Variants in WDR59 observed in about 807,000 individuals in gnomAD.
WDR59 encodes the protein WD repeat domain 59, also known as GATOR2 complex protein WDR59.
WDR59 carries 100 observed loss-of-function variants against 131.2 expected under a neutral mutation model. The observed-to-expected ratio is 0.76, with a 90% CI of 0.65 to 0.90. The LOEUF is 0.90. Among genes scored for constraint, WDR59 ranks in the 40% least tolerant of loss-of-function variants. The pLI is 0.00. For missense variants in WDR59, 1,203 were observed against 1,262.2 expected (o/e 0.95, Z 0.71); for synonymous variants, 601 against 466.2 (o/e 1.29, Z -3.72).
intron 6 of WDR59, 98 bp downstream of exon 6, chr16:74,948,421 G>A: frequency 1.8e-6 from 2 of 1,123,090 alleles, no homozygotes; most frequent in Admixed American, 1.8e-5. Flanking sequence ...GTTAGAGAGG[G>A]AGATGGAAAG....
chr16:74,976,518 C>T (rs1367595529), intron 1 of WDR59, among the ~76,000 whole-genome samples: 1 of 151,768 alleles, frequency 6.6e-6, no homozygotes, highest in East Asian at 1.9e-4. Context: ...TCTTGGCTCC[C>T]TGAACCTCCA....
intron 6 of WDR59, among the ~76,000 whole-genome samples, chr16:74,945,142 C>T (rs994243171): frequency 2.4e-4 from 37 of 151,592 alleles, no homozygotes; most frequent in African/African-American, 8.2e-4. Context: ...AAAGAACCAC[C>T]GTCCTTTTTA....
chr16:74,892,018 A>G (rs1965068870), intron 20 of WDR59, among the ~76,000 whole-genome samples: 1 of 152,248 alleles, frequency 6.6e-6, no homozygotes, highest in Non-Finnish European at 1.5e-5. Context: ...CCGTTTAAAA[A>G]AATACAGAGA....
At position 74,871,793 on chromosome 16, in the gene WDR59, T is replaced by C. The variant is rs910915758; in HGVS notation, c.*2416A>G. The C allele has an allele frequency of 2.0e-5, 3 of 152,266 alleles. No homozygotes were observed. The highest frequency in any genetic ancestry group is 4.4e-5 in the Non-Finnish European group (3 of 68,068). 9.4% of individuals were successfully genotyped at this position (152,266 alleles called of 1,614,324 possible). A position where few individuals can be genotyped will look rare whatever the true frequency, so the allele number is the denominator to read the frequency against. On this transcript the variant is annotated 3_prime_UTR_variant, in exon 26 of 26. Coordinates refer to ENST00000262144, the MANE Select transcript of WDR59 (RefSeq NM_030581.4). ...TCACCATTACAACAGAATTTGTGTA[T>C]GCAAATTCCCGGCTGGGCCTTCTCC...
chr16:74,892,641 C>G (rs865965663), intron 19 of WDR59, 76 bp from the exon 20 acceptor site: 1 of 1,204,718 alleles, frequency 8.3e-7, no homozygotes. Flanking sequence ...GTTTAACAGA[C>G]AGATGAGAAC....
chr16:74,977,027 A>T (rs1313623273), intron 1 of WDR59, among the ~76,000 whole-genome samples: 1 of 152,146 alleles, frequency 6.6e-6, no homozygotes, highest in Non-Finnish European at 1.5e-5. Flanking sequence ...AGACTGAAAA[A>T]GCATAATCCA....
intron 1 of WDR59, among the ~76,000 whole-genome samples, chr16:74,967,364 G>A (rs1031712340): frequency 6.6e-6 from 1 of 152,164 alleles, no homozygotes; most frequent in Non-Finnish European, 1.5e-5. Context: ...ATAAGGAGGA[G>A]GGCAAGATGG....
At chr16:74,947,883 C>G (rs2032743807) in intron 6 of WDR59, among the ~76,000 whole-genome samples, 1 of 152,090 alleles carries the variant, frequency 6.6e-6, no homozygotes, top group Non-Finnish European at 1.5e-5. Context: ...CCAGCCTGGC[C>G]AATACAGTGA....
chr16:74,974,585 C>T (rs960991092), intron 1 of WDR59, among the ~76,000 whole-genome samples: 2 of 152,054 alleles, frequency 1.3e-5, no homozygotes, highest in Non-Finnish European at 2.9e-5. Flanking sequence ...CTATCTAGAA[C>T]GTGGATTTTA....
intron 20 of WDR59, 49 bp downstream of exon 20, chr16:74,892,435 T>C: frequency 6.8e-7 from 1 of 1,463,952 alleles, no homozygotes; most frequent in Non-Finnish European, 9.5e-7. Flanking sequence ...TAAAAACAAT[T>C]TGCTCCTGAA....
chr16:74,885,107 T>A (rs1257053863), intron 25 of WDR59, among the ~76,000 whole-genome samples: 1 of 152,178 alleles, frequency 6.6e-6, no homozygotes, highest in African/African-American at 2.4e-5. Flanking sequence ...GAAATATCCA[T>A]CCCTCTCATC....
At chr16:74,892,293 T>A (rs1259180976) in intron 20 of WDR59, among the ~76,000 whole-genome samples, 191 bp downstream of exon 20, 10 of 152,186 alleles carry the variant, frequency 6.6e-5, no homozygotes, top group Admixed American at 6.5e-4. Flanking sequence ...CCTTCCCAAC[T>A]GAGCACCAAA....
chr16:74,982,556 AAATT>A (rs1351280487), intron 1 of WDR59, among the ~76,000 whole-genome samples: 2 of 152,190 alleles, frequency 1.3e-5, no homozygotes, highest in Non-Finnish European at 2.9e-5. Context: ...GTTTCTGTGA[AAATT>A]AAAGGGTTTG....
At chr16:74,900,702 G>C (rs1279825923) in intron 18 of WDR59, among the ~76,000 whole-genome samples, 1 of 152,224 alleles carries the variant, frequency 6.6e-6, no homozygotes, top group African/African-American at 2.4e-5. Context: ...ATTCCATCTA[G>C]AGAATATTTG....
At chr16:74,903,324 C>A (rs9937638) in intron 18 of WDR59, among the ~76,000 whole-genome samples, 52,567 of 151,768 alleles carry the variant, frequency 0.35, 10,434 homozygotes, top group African/African-American at 0.56. Context: ...AGAAAGCTTT[C>A]TCTGCCAACT....
intron 1 of WDR59, among the ~76,000 whole-genome samples, chr16:74,981,660 A>ATTTTTTTTTTTTT (rs1181233727): frequency 2.5e-5 from 2 of 80,864 alleles, no homozygotes; most frequent in African/African-American, 1.5e-4. Context: ...ATATATATAT[A>ATTTTTTTTTTTTT]TTTTTTTTTT....
At chr16:74,923,240 G>C (rs1335696743) in intron 9 of WDR59, among the ~76,000 whole-genome samples, 1 of 152,106 alleles carries the variant, frequency 6.6e-6, no homozygotes, top group Non-Finnish European at 1.5e-5. Flanking sequence ...GCTTGCCCAA[G>C]GCCATACCAG....
intron 16 of WDR59, 56 bp downstream of exon 16, chr16:74,909,445 G>A (rs1022290732): frequency 1.4e-5 from 21 of 1,489,282 alleles, no homozygotes; most frequent in Non-Finnish European, 1.6e-5. Context: ...CAGAATCTAT[G>A]ACATTCTTAG....
chr16:74,924,132 C>T (rs2030541476), intron 8 of WDR59, 129 bp from the exon 9 acceptor site: 1 of 864,044 alleles, frequency 1.2e-6, no homozygotes. Context: ...ATTTTTAGTT[C>T]AGCTCCTATA....
Sources: gnomAD v4.1 joint callset for allele counts (sites outside exome capture counted in the v4.1 genomes callset) on GRCh38, gnomAD v4.1.1 for gene constraint, MANE v1.5 for transcripts, NCBI Gene and HGNC (gene_info 2026-07-23, HGNC 2026-07-21) for gene names.